Variants in MYO5A observed in about 807,000 individuals in gnomAD.
MYO5A encodes the protein myosin VA, also known as unconventional myosin-Va.
MYO5A carries 98 observed loss-of-function variants against 249.7 expected under a neutral mutation model. The observed-to-expected ratio is 0.39, with a 90% confidence interval of 0.33 to 0.46. The LOEUF is 0.46. Ranked by LOEUF, MYO5A falls within the 20% of genes least tolerant of loss-of-function variation. The probability of loss-of-function intolerance (pLI) is 0.98; values close to 1 mark genes in which losing one functional copy is unlikely to be tolerated. For missense variants in MYO5A, 1,696 were observed against 2,308.8 expected (o/e 0.73, Z 5.44); for synonymous variants, 778 against 810.6 (o/e 0.96, Z 0.68).
chr15:52,434,812 C>G (rs2075625692), intron 1 of MYO5A, among the ~76,000 whole-genome samples: 1 of 151,796 alleles, frequency 6.6e-6, no homozygotes, highest in Admixed American at 6.5e-5. Flanking sequence ...AAACAGGAAT[C>G]CTAGATTCAG....
intron 1 of MYO5A, among the ~76,000 whole-genome samples, chr15:52,447,330 TC>T (rs2075914239): frequency 6.6e-6 from 1 of 152,072 alleles, no homozygotes; most frequent in African/African-American, 2.4e-5. Context: ...ATGTGCCCAC[TC>T]CCCTTTTGCC....
intron 36 of MYO5A, among the ~76,000 whole-genome samples, chr15:52,325,408 C>CCT (rs1318478625): frequency 9.0e-4 from 126 of 139,484 alleles, no homozygotes; most frequent in African/African-American, 3.3e-3. Flanking sequence ...AAGCCCCCCA[C>CCT]TTTTTTTTTT....
intron 2 of MYO5A, among the ~76,000 whole-genome samples, chr15:52,429,101 T>G (rs1360708287): frequency 6.6e-6 from 1 of 152,232 alleles, no homozygotes; most frequent in Non-Finnish European, 1.5e-5. Flanking sequence ...TAGGAATCCT[T>G]AAACCACTAG....
intron 1 of MYO5A, among the ~76,000 whole-genome samples, chr15:52,454,563 T>A (rs888382236): frequency 6.6e-6 from 1 of 152,076 alleles, no homozygotes; most frequent in African/African-American, 2.4e-5. Context: ...ATTCTTTTCA[T>A]CAGCACATGA....
chr15:52,320,893 G>A (rs1278191105), intron 38 of MYO5A, among the ~76,000 whole-genome samples: 1 of 152,006 alleles, frequency 6.6e-6, no homozygotes, highest in Non-Finnish European at 1.5e-5. Flanking sequence ...GGCACCTGTA[G>A]TCCCAGCTAC....
chr15:52,446,686 C>T (rs1465619130), intron 1 of MYO5A, among the ~76,000 whole-genome samples: 1 of 152,224 alleles, frequency 6.6e-6, no homozygotes, highest in Admixed American at 6.5e-5. Context: ...TAAGAACAGC[C>T]CTAGGGGCTG....
chr15:52,511,902 G>A (rs969176285), intron 1 of MYO5A, among the ~76,000 whole-genome samples: 4 of 152,124 alleles, frequency 2.6e-5, no homozygotes, highest in African/African-American at 7.2e-5. Context: ...AGTGGCTCAC[G>A]CCTGTAATCC....
intron 9 of MYO5A, among the ~76,000 whole-genome samples, chr15:52,399,866 C>T (rs1481036599): frequency 4.6e-5 from 7 of 152,082 alleles, no homozygotes; most frequent in Non-Finnish European, 8.8e-5. Flanking sequence ...TGACCATGTG[C>T]ACCCAACGTT....
chr15:52,346,357 T>G lies in MYO5A; in HGVS notation c.3959+4A>C. On this transcript the variant is annotated splice_donor_region_variant and intron_variant, in intron 30 of 41. Coordinates refer to ENST00000399233, the MANE Select transcript of MYO5A (RefSeq NM_001382347.1). The stretch of plus-strand genomic sequence containing the variant: ...CAAAATGAATAAAAGAAGGATCAAC[T>G]TACCTATTTGTTTCTTTCAAACCAA... 2 of 1,541,140 alleles carry G rather than the reference T, an allele frequency of 1.3e-6. No homozygotes were observed. The highest frequency in any genetic ancestry group is 2.2e-5 in the South Asian group (2 of 89,170).
chr15:52,408,724 T>C (rs1304124932), intron 6 of MYO5A, among the ~76,000 whole-genome samples: 1 of 152,324 alleles, frequency 6.6e-6, no homozygotes, highest in Non-Finnish European at 1.5e-5. Context: ...TCCACACATA[T>C]ATCTAAAAAA....
At chr15:52,378,771 C>T (rs28638475) in intron 18 of MYO5A, among the ~76,000 whole-genome samples, 8,031 of 152,060 alleles carry the variant, frequency 0.053, 612 homozygotes, top group African/African-American at 0.17. Flanking sequence ...TTCTCTAAGA[C>T]CAAGATCAGT....
intron 1 of MYO5A, among the ~76,000 whole-genome samples, chr15:52,457,920 G>T (rs533367717): frequency 6.6e-6 from 1 of 152,182 alleles, no homozygotes; most frequent in South Asian, 2.1e-4. Context: ...ATACTATTCG[G>T]CCATAAAAAA....
At chr15:52,459,146 A>ATTTTTTTT (rs199923318) in intron 1 of MYO5A, among the ~76,000 whole-genome samples, 85 of 49,094 alleles carry the variant, frequency 1.7e-3, no homozygotes, top group East Asian at 5.5e-3. Context: ...ATTTTCCAGA[A>ATTTTTTTT]ATTTTTTTTT....
rs2042956610 is a variant in MYO5A, at chr15:52,405,305, T to C, written c.1035A>G (p.Ala345=). The change falls in exon 9 of 42, where the codon GCA becomes GCG. Residue 345 remains alanine (A), a synonymous_variant. Transcript: ENST00000399233. ...LGNVGFTSRD[A]DSCTIPPKHE... ...AACTTACAGGTATTGTGCAGCTGTCTGCATCTCGGGATGTAAATCCAACAT... is the reference window on the plus strand; with the variant it reads ...AACTTACAGGTATTGTGCAGCTGTCCGCATCTCGGGATGTAAATCCAACAT... 1 of 1,612,562 alleles carries C rather than the reference T, an allele frequency of 6.2e-7. No homozygotes were observed. The highest frequency in any genetic ancestry group is 8.5e-7 in the Non-Finnish European group (1 of 1,178,582).
intron 1 of MYO5A, among the ~76,000 whole-genome samples, chr15:52,446,943 G>C (rs1400955492): frequency 1.3e-5 from 2 of 152,162 alleles, no homozygotes; most frequent in Non-Finnish European, 2.9e-5. Flanking sequence ...TTGATTTTAT[G>C]GGCTCAGAGG....
chr15:52,425,909 C>T lies in MYO5A; in HGVS notation c.376G>A (p.Ala126Thr). 6.2e-7 allele frequency: 1 copy of T among 1,613,154 alleles called. No homozygotes were observed. The highest frequency in any genetic ancestry group is 8.5e-7 in the Non-Finnish European group (1 of 1,179,192). ...TCACCCATGTTCTGACCACTGTATG[C>T]ATTAATAATATCTTCTCCATAAATA... is the stretch of plus-strand genomic sequence containing the variant. Reference protein sequence around the residue: ...LPIYGEDIINAYSGQNMGDMD... With the variant: ...LPIYGEDIINTYSGQNMGDMD... The change falls in exon 4 of 42, where the codon GCA becomes ACA. Residue 126 changes from alanine (A) to threonine (T), a missense_variant. Around this residue, in one of 5 missense-constraint regions of MYO5A, gnomAD observed 197 missense variants for 320.3 expected, o/e 0.62. Transcript: ENST00000399233.
chr15:52,414,173 C>T (rs2043372543), intron 5 of MYO5A, among the ~76,000 whole-genome samples: 1 of 152,076 alleles, frequency 6.6e-6, no homozygotes, highest in Non-Finnish European at 1.5e-5. Context: ...GTTATGAAGT[C>T]GGGAGGCCCT....
In MYO5A at chr15:52,321,389, C is replaced by T. The variant is rs1473333479; in HGVS notation, c.4921G>A (p.Val1641Met). 1 of 1,614,212 alleles carries T rather than the reference C, an allele frequency of 6.2e-7. No individual in the cohort carries two copies. The highest frequency in any genetic ancestry group is 1.3e-5 in the African/African-American group (1 of 75,056). ...ATTGGCTGAAGGATGTTCTCTAACA[C>T]CCGCACGAGCTGCTGGTAGATCTGA... ...AIQIYQQLVR[V>M]LENILQPMIV... The change falls in exon 38 of 42, where the codon GTG becomes ATG. Residue 1641 changes from valine (V) to methionine (M), a missense_variant. Coordinates refer to ENST00000399233, the MANE Select transcript of MYO5A (RefSeq NM_001382347.1).
intron 1 of MYO5A, among the ~76,000 whole-genome samples, chr15:52,496,124 A>G (rs2077034011): frequency 6.6e-6 from 1 of 152,116 alleles, no homozygotes; most frequent in African/African-American, 2.4e-5. Context: ...TGTTGTCCTA[A>G]GTAGCATAAA....
Sources: allele counts gnomAD v4.1 joint callset (sites outside exome capture counted in the v4.1 genomes callset), GRCh38; gene constraint gnomAD v4.1.1; regional missense constraint gnomAD v4.1.1; transcripts MANE v1.5; gene names NCBI Gene and HGNC (gene_info 2026-07-23, HGNC 2026-07-21).